ZNF493: variants seen among roughly 807,000 people sequenced by gnomAD.
ZNF493 encodes zinc finger protein 493.
In ZNF493, 11 loss-of-function variants were observed where a neutral mutation model predicts 12.2. The observed-to-expected ratio is 0.90, with a 90% CI of 0.57 to 1.50. The LOEUF (loss-of-function observed/expected upper bound fraction) is 1.50, where lower values mean the gene tolerates loss of function less well. ZNF493 is among the 40% of genes most tolerant of loss of function. The pLI is 0.00. For missense variants in ZNF493, 950 were observed against 906.6 expected, an observed-to-expected ratio of 1.05 and a Z score of -0.61; for synonymous variants, 286 against 302.6, an observed-to-expected ratio of 0.95 and a Z score of 0.57.
chr19:21,420,285 CTTT>C (rs1241761947), intron 3 of ZNF493, among the ~76,000 whole-genome samples: 5 of 151,668 alleles, frequency 3.3e-5, no homozygotes, highest in Non-Finnish European at 7.4e-5. Flanking sequence ...TTTGTGTCTT[CTTT>C]ATTTTTATTT....
intron 3 of ZNF493, chr19:21,413,391 C>T (rs888281996): frequency 1.0e-4 from 41 of 407,846 alleles, no homozygotes; most frequent in Admixed American, 2.6e-4. Context: ...AAGGAATACT[C>T]ATGGCAATGG....
chr19:21,420,656 C>T (rs908322859), intron 3 of ZNF493, among the ~76,000 whole-genome samples: 8 of 15,028 alleles, frequency 5.3e-4, no homozygotes, highest in Admixed American at 1.0e-3. Context: ...TTTTTTTTTT[C>T]AGAACTTTGA....
intron 3 of ZNF493, among the ~76,000 whole-genome samples, chr19:21,409,162 A>T (rs4381722): frequency 6.6e-6 from 1 of 152,126 alleles, no homozygotes; most frequent in African/African-American, 2.4e-5. Flanking sequence ...GGGATCAGAG[A>T]TGTGAGCCAC....
In ZNF493 at chr19:21,405,459, G is replaced by T. The variant is rs79423723; in HGVS notation, c.157+204G>T. ...CCTGATCTTTTTACATTTCTGAGCC[G>T]GTCTGTATCCTTCACTCTACAGTAG... On this transcript the variant is annotated intron_variant, in intron 2 of 3. Transcript: ENST00000392288. 2.7e-3 allele frequency: 3,800 copies of T among 1,393,722 alleles called. 99 individuals are homozygous for T. The African/African-American group carries it at 0.048, about 17-fold the overall frequency. The allele number at this position is 1,393,722 out of a possible 1,614,324, so 86.3% of individuals were successfully genotyped here. A position where few individuals can be genotyped will look rare whatever the true frequency, so the allele number is the denominator to read the frequency against.
At chr19:21,419,038 T>C (rs1276760928) in intron 3 of ZNF493, among the ~76,000 whole-genome samples, 1 of 152,244 alleles carries the variant, frequency 6.6e-6, no homozygotes, top group Non-Finnish European at 1.5e-5. Flanking sequence ...AGTGCTTTGC[T>C]GAGTTCTCTG....
In ZNF493 at chr19:21,400,281, G is replaced by A. The variant is rs565226136; in HGVS notation, c.30+3014G>A. 1.9e-4 allele frequency among the ~76,000 whole-genome samples: 29 copies of A among 152,094 alleles called. No homozygotes were observed. In the East Asian group the frequency reaches 3.3e-3, roughly 17 times the overall value. The stretch of plus-strand genomic sequence containing the variant: ...AAAAATTAGCTGGGCATGGTGGCAC[G>A]CACCTGTAGTCCCAGCTACTTGGGA... On this transcript the variant is annotated intron_variant, in intron 1 of 3. Coordinates refer to ENST00000392288, the MANE Select transcript of ZNF493 (RefSeq NM_001076678.3).
intron 3 of ZNF493, 86 bp from the exon 4 acceptor site, chr19:21,422,826 GT>G: frequency 8.2e-7 from 1 of 1,224,896 alleles, no homozygotes; most frequent in South Asian, 1.8e-5. Context: ...GGTTTATGCA[GT>G]TTGTATAATA....
intron 1 of ZNF493, among the ~76,000 whole-genome samples, chr19:21,403,833 A>C (rs976159945): frequency 1.3e-5 from 2 of 152,112 alleles, no homozygotes; most frequent in Non-Finnish European, 2.9e-5. Flanking sequence ...TCTGCAAAAT[A>C]TCTCTCTCCT....
intron 3 of ZNF493, chr19:21,408,630 G>A (rs368176179): frequency 2.1e-5 from 21 of 984,804 alleles, no homozygotes; most frequent in East Asian, 2.3e-4. Context: ...TGAGTTAAAC[G>A]TCTCTTCCTG....
intron 3 of ZNF493, among the ~76,000 whole-genome samples, chr19:21,410,481 G>A (rs2030288160): frequency 6.6e-6 from 1 of 151,872 alleles, no homozygotes; most frequent in Non-Finnish European, 1.5e-5. Context: ...CATTTCAAAT[G>A]CTCTTTTTCT....
intron 3 of ZNF493, chr19:21,414,436 A>G (rs1240323715): frequency 1.3e-5 from 2 of 152,238 alleles, no homozygotes; most frequent in Non-Finnish European, 2.9e-5. Flanking sequence ...CTAGCATTAG[A>G]TATTGCGTTA....
Position 21,405,793 on chromosome 19 carries a change from T to C in ZNF493, c.190T>C (p.Cys64Arg), listed in dbSNP as rs1395050846. 6.2e-7 allele frequency: 1 copy of C among 1,611,378 alleles called. No individual in the cohort carries two copies. The highest frequency in any genetic ancestry group is 2.2e-5 in the East Asian group (1 of 44,780). ...TGTCTCTAAGCCAGATCTGGTCACC[T>C]GTCTGGAGCAAGGAAAAGATCCCTG... is the stretch of plus-strand genomic sequence containing the variant. The part of the protein sequence containing the change: ...IAVSKPDLVT[C>R]LEQGKDPWNM... Residue 64 changes from cysteine to arginine, a missense_variant, in exon 3 of 4, where the codon TGT becomes CGT. Transcript: ENST00000392288.
intron 1 of ZNF493, 159 bp downstream of exon 1, chr19:21,397,426 A>C (rs1974189883): frequency 1.1e-6 from 1 of 931,680 alleles, no homozygotes; most frequent in African/African-American, 1.6e-5. Context: ...TTCAGCCGTA[A>C]GTTGGCGGCT....
At chr19:21,407,974 T>C (rs532433527) in intron 3 of ZNF493, 21 of 985,342 alleles carry the variant, frequency 2.1e-5, no homozygotes, top group Admixed American at 6.2e-5. Flanking sequence ...TCTTCTTTTC[T>C]TGTGTTCCCC....
intron 1 of ZNF493, among the ~76,000 whole-genome samples, chr19:21,400,190 T>C (rs2029892760): frequency 1.3e-5 from 2 of 152,178 alleles, no homozygotes; most frequent in Non-Finnish European, 2.9e-5. Flanking sequence ...GGCGAGTAGA[T>C]CACAAGGTCA....
In ZNF493 at chr19:21,423,120, T is replaced by C; in HGVS notation, c.461T>C (p.Phe154Ser). Residue 154 changes from phenylalanine (F) to serine (S), a missense_variant, in exon 4 of 4, where the codon TTT (phenylalanine) becomes TCT (serine). By Grantham distance (155) the Phe-to-Ser change is radical. Coordinates refer to ENST00000392288, the MANE Select transcript of ZNF493 (RefSeq NM_001076678.3). ...TTGACAACTACCCAGAGCAAAATAT[T>C]TCAATGTGATAAATATGTGAAAGTC... ...QYLTTTQSKI[F>S]QCDKYVKVFH... The C allele has an allele frequency of 4.3e-6, 7 of 1,613,572 alleles. No homozygotes were observed. Among genetic ancestry groups the C allele is most frequent in the Non-Finnish European group, 5.1e-6 (6 of 1,179,736 alleles).
At chr19:21,399,704 T>C (rs940984259) in intron 1 of ZNF493, among the ~76,000 whole-genome samples, 3 of 152,150 alleles carry the variant, frequency 2.0e-5, no homozygotes, top group African/African-American at 7.2e-5. Context: ...TTTTGAATTT[T>C]CTCAGGTGTG....
chr19:21,419,217 G>C (rs2030583129), intron 3 of ZNF493, among the ~76,000 whole-genome samples: 1 of 152,072 alleles, frequency 6.6e-6, no homozygotes, highest in African/African-American at 2.4e-5. Flanking sequence ...ATTCTGTGTT[G>C]ACTCTGGGTG....
intron 3 of ZNF493, chr19:21,412,588 TC>T (rs1327774299): frequency 1.3e-5 from 2 of 157,992 alleles, no homozygotes; most frequent in Non-Finnish European, 2.8e-5. Flanking sequence ...GTGAGCTACT[TC>T]TCGCAGGAGT....
Sources: gnomAD v4.1 joint callset for allele counts (sites outside exome capture counted in the v4.1 genomes callset) on GRCh38, gnomAD v4.1.1 for gene constraint, MANE v1.5 for transcripts, NCBI Gene and HGNC (gene_info 2026-07-23, HGNC 2026-07-21) for gene names.